XRCC5: variants seen among roughly 807,000 people sequenced by gnomAD.
XRCC5 encodes X-ray repair cross complementing 5.
In XRCC5, 12 loss-of-function variants were observed where a neutral mutation model predicts 95.7. The observed-to-expected ratio is 0.13, with a 90% confidence interval of 0.08 to 0.20. XRCC5 has a LOEUF of 0.20. Ranked by LOEUF, XRCC5 falls within the 10% of genes least tolerant of loss-of-function variation. XRCC5 has a pLI of 1.00. For synonymous variants in XRCC5, 281 were observed against 290.3 expected, an observed-to-expected ratio of 0.97 and a Z score of 0.33; for missense variants, 595 against 873.9, an observed-to-expected ratio of 0.68 and a Z score of 4.02.
intron 15 of XRCC5, 24 bp from the exon 16 acceptor site, chr2:216,161,955 T>C: frequency 6.2e-7 from 1 of 1,609,102 alleles, no homozygotes; most frequent in East Asian, 2.2e-5. Flanking sequence ...ACCTGTAGGT[T>C]TATCATCTGT....
intron 1 of XRCC5, chr2:216,110,372 C>T (rs1696564724): frequency 6.6e-6 from 1 of 152,126 alleles, no homozygotes; most frequent in African/African-American, 2.4e-5. Flanking sequence ...AGCAACTGAT[C>T]CCTAGTTCCC....
At chr2:216,184,078 T>G (rs1689446215) in intron 16 of XRCC5, among the ~76,000 whole-genome samples, 1 of 112,820 alleles carries the variant, frequency 8.9e-6, no homozygotes, top group South Asian at 3.0e-4. Context: ...GTGTGTGATT[T>G]AGAGAAAAAA....
chr2:216,115,955 T>C (rs1011990036), intron 2 of XRCC5, among the ~76,000 whole-genome samples: 1 of 152,198 alleles, frequency 6.6e-6, no homozygotes, highest in Non-Finnish European at 1.5e-5. Context: ...ATACTTAGTA[T>C]TGTATAAAGC....
intron 16 of XRCC5, among the ~76,000 whole-genome samples, chr2:216,188,254 G>A (rs1574430525): frequency 6.6e-6 from 1 of 152,270 alleles, no homozygotes; most frequent in East Asian, 1.9e-4. Flanking sequence ...AATCACCAAA[G>A]ATTTTTTAAA....
intron 16 of XRCC5, among the ~76,000 whole-genome samples, chr2:216,170,496 G>A (rs1689141248): frequency 6.6e-6 from 1 of 152,080 alleles, no homozygotes; most frequent in Non-Finnish European, 1.5e-5. Context: ...GAAGGAGAGA[G>A]AGAGAGAGAG....
chr2:216,115,609 CT>C (rs1362616578), intron 2 of XRCC5, among the ~76,000 whole-genome samples: 1 of 152,194 alleles, frequency 6.6e-6, no homozygotes, highest in Non-Finnish European at 1.5e-5. Flanking sequence ...TCCATTATCT[CT>C]CCATACAGCA....
intron 13 of XRCC5, among the ~76,000 whole-genome samples, chr2:216,142,802 G>C (rs1279597538): frequency 6.6e-6 from 1 of 152,038 alleles, no homozygotes. Context: ...GAAAGAAACT[G>C]CCTGTTTTTT....
chr2:216,124,894 ATGAT>A (rs1366338837), intron 6 of XRCC5, among the ~76,000 whole-genome samples: 2 of 152,178 alleles, frequency 1.3e-5, no homozygotes, highest in Non-Finnish European at 2.9e-5. Context: ...AGATGAAAAT[ATGAT>A]TGATTTTCAC....
intron 19 of XRCC5, among the ~76,000 whole-genome samples, chr2:216,197,513 TA>T (rs960172084): frequency 2.1e-5 from 3 of 144,632 alleles, no homozygotes; most frequent in Non-Finnish European, 4.6e-5. Flanking sequence ...GAGAACATCA[TA>T]AAAAACAAGT....
At chr2:216,152,942 G>A (rs1273024544) in intron 14 of XRCC5, among the ~76,000 whole-genome samples, 6 of 151,674 alleles carry the variant, frequency 4.0e-5, no homozygotes, top group East Asian at 1.9e-4. Context: ...CTTCTCCCTC[G>A]CTACCACTAA....
At chr2:216,150,153 T>G (rs796332945) in intron 14 of XRCC5, among the ~76,000 whole-genome samples, 9 of 152,220 alleles carry the variant, frequency 5.9e-5, no homozygotes, top group African/African-American at 1.9e-4. Flanking sequence ...TTTGTATATA[T>G]TCATCATCTC....
chr2:216,177,357 C>T (rs1689297437), intron 16 of XRCC5, among the ~76,000 whole-genome samples: 1 of 152,142 alleles, frequency 6.6e-6, no homozygotes, highest in African/African-American at 2.4e-5. Flanking sequence ...CAGCTTGGGT[C>T]ATGAGATCCT....
chr2:216,190,731 T>G (rs1439768715), intron 17 of XRCC5, among the ~76,000 whole-genome samples: 6 of 152,216 alleles, frequency 3.9e-5, no homozygotes, highest in African/African-American at 1.4e-4. Flanking sequence ...AAAGATTTTA[T>G]GAAGACAGGA....
intron 16 of XRCC5, among the ~76,000 whole-genome samples, chr2:216,185,911 C>T (rs1296145825): frequency 5.9e-5 from 9 of 152,174 alleles, no homozygotes; most frequent in African/African-American, 2.2e-4. Context: ...AGGCGTGAGC[C>T]ATTGCGACTG....
intron 16 of XRCC5, 112 bp downstream of exon 16, chr2:216,162,160 T>A: frequency 9.8e-7 from 1 of 1,021,510 alleles, no homozygotes; most frequent in Middle Eastern, 2.1e-4. Context: ...TTTTCTTTAC[T>A]GGCGGATCTT....
chr2:216,133,789 A>G (rs1159351010), intron 10 of XRCC5, among the ~76,000 whole-genome samples: 1 of 152,220 alleles, frequency 6.6e-6, no homozygotes, highest in African/African-American at 2.4e-5. Flanking sequence ...GATAATATCT[A>G]ATTGGAGCTT....
In XRCC5 at chr2:216,181,475, C is replaced by T. The variant is rs41302488; in HGVS notation, c.1835-8750C>T. Among the ~76,000 whole-genome samples the T allele has an allele frequency of 3.6e-3, 553 of 152,306 alleles. 2 individuals are homozygous for T. The highest frequency in any genetic ancestry group is 0.012 in the African/African-American group (516 of 41,556). On this transcript the variant is annotated intron_variant, in intron 16 of 20. Transcript: ENST00000392132. ...AGATTCCCTCTGTGAACCTTGTATT[C>T]AAACCATGTTCCTGCTAATGCCCTT...
intron 14 of XRCC5, among the ~76,000 whole-genome samples, chr2:216,152,449 G>A (rs533750080): frequency 6.6e-6 from 1 of 151,158 alleles, no homozygotes; most frequent in South Asian, 2.1e-4. Flanking sequence ...AAAAAAAAAA[G>A]AGAGAAAAAA....
chr2:216,205,084 T>C, intron 20 of XRCC5, 104 bp from the exon 21 acceptor site: 1 of 1,362,158 alleles, frequency 7.3e-7, no homozygotes, highest in South Asian at 1.2e-5. Flanking sequence ...AGTACATGCA[T>C]GCCTTCCAAT....
Sources: allele counts gnomAD v4.1 joint callset (sites outside exome capture counted in the v4.1 genomes callset), GRCh38; gene constraint gnomAD v4.1.1; transcripts MANE v1.5; gene names NCBI Gene and HGNC (gene_info 2026-07-23, HGNC 2026-07-21).